The following CADPS variants were observed in gnomAD, a reference collection of about 807,000 sequenced individuals.
CADPS encodes calcium dependent secretion activator.
In CADPS, 57 loss-of-function variants were observed where a neutral mutation model predicts 167.3. The observed-to-expected ratio is 0.34, with a 90% CI of 0.28 to 0.42. CADPS has a LOEUF of 0.42. Among genes scored for constraint, CADPS ranks in the 20% least tolerant of loss-of-function variants. CADPS has a pLI of 1.00. For missense variants in CADPS, 1,414 were observed against 1,738.1 expected, an observed-to-expected ratio of 0.81 and a Z score of 3.32; for synonymous variants, 676 against 635.3, an observed-to-expected ratio of 1.06 and a Z score of -0.96.
At chr3:62,490,289 G>A (rs952174126) in intron 21 of CADPS, among the ~76,000 whole-genome samples, 9 of 151,926 alleles carry the variant, frequency 5.9e-5, no homozygotes, top group Non-Finnish European at 1.2e-4. Flanking sequence ...TAGCATGAAC[G>A]AAATGATTTC....
At chr3:62,671,198 G>A (rs1298637109) in intron 3 of CADPS, among the ~76,000 whole-genome samples, 1 of 152,054 alleles carries the variant, frequency 6.6e-6, no homozygotes, top group Non-Finnish European at 1.5e-5. Flanking sequence ...CAAATATGAG[G>A]GGTTGCAAGG....
rs1223920144 is a variant in CADPS, at chr3:62,427,173, T to C, written c.3777+10931A>G. On this transcript the variant is annotated intron_variant, in intron 28 of 29. Coordinates refer to ENST00000383710, the MANE Select transcript of CADPS (RefSeq NM_003716.4). ...CAAGATCTGAGTTTTTGTTGAAGCA[T>C]TAATGCTCCATGGGAACTATAGATG... Among the ~76,000 whole-genome samples the C allele has an allele frequency of 2.0e-5, 3 of 152,212 alleles. No homozygotes were observed. In the East Asian group the frequency reaches 5.8e-4, roughly 29 times the overall value.
At chr3:62,673,894 T>C (rs2075942265) in intron 3 of CADPS, among the ~76,000 whole-genome samples, 1 of 152,158 alleles carries the variant, frequency 6.6e-6, no homozygotes, top group South Asian at 2.1e-4. Flanking sequence ...GTAAAAAGCA[T>C]TTTATAAATG....
chr3:62,666,240 C>G lies in CADPS; in HGVS notation c.889-3846G>C, dbSNP rs577404953. On this transcript the variant is annotated intron_variant, in intron 3 of 29. Coordinates refer to ENST00000383710, the MANE Select transcript of CADPS (RefSeq NM_003716.4). ...CCAGAAGGCGGCCACTGCTGCCTGA[C>G]AGCTAATGATCTGAAGAGAGGATGA... Among the ~76,000 whole-genome samples the G allele has an allele frequency of 4.6e-4, 70 of 152,274 alleles. 2 individuals carry two copies. Among genetic ancestry groups the G allele is most frequent in the Admixed American group, 1.3e-4 (2 of 15,300 alleles).
At position 62,478,238 on chromosome 3, in the gene CADPS, C is replaced by T; in HGVS notation, c.3329+23G>A. ...TGTATGGTGGGGAGGGTGTGCAGAA[C>T]CTGTCCAGCCACCTATACTTACCTT... On this transcript the variant is annotated intron_variant, in intron 23 of 29. Transcript: ENST00000383710. This position sits in a 1 kb window ranked among gnomAD's most constrained non-coding sequence, Gnocchi z 5.7. 1 of 1,612,728 alleles carries T rather than the reference C, an allele frequency of 6.2e-7. No individual in the cohort carries two copies. Among genetic ancestry groups the T allele is most frequent in the Non-Finnish European group, 8.5e-7 (1 of 1,179,390 alleles).
chr3:62,467,423 C>T (rs899459284), intron 24 of CADPS: 1 of 512,260 alleles, frequency 2.0e-6, no homozygotes, highest in African/African-American at 2.1e-5. Flanking sequence ...ATTCAAAAGT[C>T]TATGTAAACA....
intron 3 of CADPS, among the ~76,000 whole-genome samples, chr3:62,716,809 A>G (rs1217253618): frequency 6.6e-6 from 1 of 152,180 alleles, no homozygotes; most frequent in East Asian, 1.9e-4. Flanking sequence ...TACTTTGGAG[A>G]CATCACAAGA....
intron 3 of CADPS, among the ~76,000 whole-genome samples, chr3:62,678,837 C>T (rs1317791089): frequency 7.0e-6 from 1 of 142,398 alleles, no homozygotes; most frequent in Non-Finnish European, 1.5e-5. Flanking sequence ...TTCATACCCT[C>T]CAGGGCTTAT....
rs139632558 is a variant in CADPS at position 62,556,580 on chromosome 3, C to T, written c.1753+825G>A. On this transcript the variant is annotated intron_variant, in intron 10 of 29. Coordinates refer to ENST00000383710, the MANE Select transcript of CADPS (RefSeq NM_003716.4). ...GATTTGGCATAAAAATAAACTTCTC[C>T]GGGAGAGGGCTGTTGGTGCTTGTTG... Among the ~76,000 whole-genome samples the T allele has an allele frequency of 2.8e-4, 42 of 152,228 alleles. No individual in the cohort carries two copies. The East Asian group carries it at 7.7e-3, about 28-fold the overall frequency.
At chr3:62,612,903 A>G (rs2061693805) in intron 6 of CADPS, among the ~76,000 whole-genome samples, 1 of 152,210 alleles carries the variant, frequency 6.6e-6, no homozygotes, top group Non-Finnish European at 1.5e-5. Context: ...GACTCAAATG[A>G]ATAAGACAGA....
intron 3 of CADPS, among the ~76,000 whole-genome samples, chr3:62,718,992 G>A (rs567831900): frequency 1.3e-5 from 2 of 152,302 alleles, no homozygotes; most frequent in South Asian, 4.1e-4. Flanking sequence ...TTTTTCGTGA[G>A]GGGAAGGAAT....
At chr3:62,703,254 A>G (rs1306936972) in intron 3 of CADPS, among the ~76,000 whole-genome samples, 1 of 152,148 alleles carries the variant, frequency 6.6e-6, no homozygotes, top group African/African-American at 2.4e-5. Context: ...GACAATTCAC[A>G]TCTCTAGCTG....
At chr3:62,825,019 T>A (rs2152954903) in intron 1 of CADPS, among the ~76,000 whole-genome samples, 1 of 152,300 alleles carries the variant, frequency 6.6e-6, no homozygotes, top group African/African-American at 2.4e-5. Context: ...AAATTTGCTT[T>A]ATTTTGTAAA....
intron 3 of CADPS, among the ~76,000 whole-genome samples, chr3:62,744,510 C>T (rs2152331171): frequency 6.6e-6 from 1 of 152,244 alleles, no homozygotes; most frequent in African/African-American, 2.4e-5. Context: ...AAATTATTAG[C>T]ATGGGGAATC....
intron 11 of CADPS, among the ~76,000 whole-genome samples, chr3:62,542,403 G>A (rs188417013): frequency 1.3e-5 from 2 of 152,260 alleles, no homozygotes; most frequent in Non-Finnish European, 2.9e-5. Flanking sequence ...AACAATGACA[G>A]TAGTCAGCCT....
intron 3 of CADPS, among the ~76,000 whole-genome samples, chr3:62,739,520 G>A (rs2079730358): frequency 6.6e-6 from 1 of 152,096 alleles, no homozygotes; most frequent in South Asian, 2.1e-4. Flanking sequence ...TAAAGGTAAG[G>A]GCTTTGCCGC....
At chr3:62,419,883 G>C (rs1441199104) in intron 28 of CADPS, among the ~76,000 whole-genome samples, 2 of 152,174 alleles carry the variant, frequency 1.3e-5, no homozygotes, top group African/African-American at 4.8e-5. Context: ...AACAGGGTTG[G>C]CTAATCATAT....
chr3:62,628,712 T>G (rs570798618), intron 6 of CADPS, among the ~76,000 whole-genome samples: 1 of 151,804 alleles, frequency 6.6e-6, no homozygotes, highest in East Asian at 2.0e-4. Context: ...CTGCAACTTC[T>G]GCCTCCTGGG....
intron 13 of CADPS, among the ~76,000 whole-genome samples, chr3:62,525,362 C>T (rs1348099728): frequency 1.3e-5 from 2 of 152,046 alleles, no homozygotes; most frequent in African/African-American, 4.8e-5. Context: ...ACTTTCTCTT[C>T]CAAGTACTTC....
Sources: allele counts gnomAD v4.1 joint callset (sites outside exome capture counted in the v4.1 genomes callset), GRCh38; gene constraint gnomAD v4.1.1; non-coding constraint Gnocchi (gnomAD v3.1); transcripts MANE v1.5; gene names NCBI Gene and HGNC (gene_info 2026-07-23, HGNC 2026-07-21).